CNTN5: variants seen among roughly 807,000 people sequenced by gnomAD.
CNTN5 encodes the protein contactin 5.
In CNTN5, 77 loss-of-function variants were observed where a neutral mutation model predicts 129.1. The ratio of observed to expected loss-of-function variants is 0.60; its 90% CI spans 0.50 to 0.72. The LOEUF is 0.72. CNTN5 is among the 30% of genes least tolerant of loss of function. CNTN5 has a pLI of 0.00. For missense variants in CNTN5, 1,478 were observed against 1,328.8 expected, an observed-to-expected ratio of 1.11 and a Z score of -1.75; for synonymous variants, 509 against 465.6, an observed-to-expected ratio of 1.09 and a Z score of -1.20.
At chr11:99,774,344 G>T (rs1387303475) in intron 3 of CNTN5, among the ~76,000 whole-genome samples, 5 of 150,282 alleles carry the variant, frequency 3.3e-5, no homozygotes, top group African/African-American at 1.2e-4. Flanking sequence ...TTTTTTTTTG[G>T]GGGGGTGGGT....
At chr11:100,063,464 A>G (rs968905476) in intron 10 of CNTN5, among the ~76,000 whole-genome samples, 1 of 152,018 alleles carries the variant, frequency 6.6e-6, no homozygotes, top group Non-Finnish European at 1.5e-5. Context: ...CAGGTGTGGA[A>G]TATATCTTGA....
chr11:99,910,464 C>G (rs1333523393), intron 6 of CNTN5, among the ~76,000 whole-genome samples: 1 of 151,984 alleles, frequency 6.6e-6, no homozygotes, highest in Non-Finnish European at 1.5e-5. Context: ...ACTGCTTTTT[C>G]TATTCTTCCT....
intron 2 of CNTN5, among the ~76,000 whole-genome samples, chr11:99,350,912 A>T (rs1376395789): frequency 6.6e-6 from 1 of 152,054 alleles, no homozygotes; most frequent in African/African-American, 2.4e-5. Context: ...TTTTACTTTG[A>T]AATATGCAAT....
Position 99,943,696 on chromosome 11 carries a change from G to GAGTT in CNTN5, c.674-13108_674-13105dup, listed in dbSNP as rs554185491. Among the ~76,000 whole-genome samples, 465 of 152,158 alleles carry GAGTT rather than the reference G, an allele frequency of 3.1e-3. 4 individuals carry two copies. Among genetic ancestry groups the GAGTT allele is most frequent in the Non-Finnish European group, 2.7e-3 (185 of 67,996 alleles). ...TATGTTTAAGTCTTTAATCCATCTT[G>GAGTT]AGTTAATTTATGTACAAGGTGTAAG... On this transcript the variant is annotated intron_variant, in intron 7 of 24. Transcript: ENST00000524871.
intron 15 of CNTN5, among the ~76,000 whole-genome samples, chr11:100,211,034 G>C (rs1177361054): frequency 6.6e-6 from 1 of 152,152 alleles, no homozygotes; most frequent in Non-Finnish European, 1.5e-5. Flanking sequence ...AGCCATCCTA[G>C]TTGCATAAAG....
chr11:99,596,532 T>TA (rs776825206), intron 3 of CNTN5, among the ~76,000 whole-genome samples: 9 of 152,176 alleles, frequency 5.9e-5, no homozygotes, highest in Middle Eastern at 3.2e-3. Context: ...AAAAAGCTCA[T>TA]AAGCTTCATA....
At chr11:99,881,731 G>T (rs911320682) in intron 6 of CNTN5, among the ~76,000 whole-genome samples, 3 of 152,218 alleles carry the variant, frequency 2.0e-5, no homozygotes, top group Admixed American at 6.5e-5. Context: ...TGGTACAGAA[G>T]CTGCTAGTGC....
intron 3 of CNTN5, among the ~76,000 whole-genome samples, chr11:99,752,058 G>T (rs1944254786): frequency 9.3e-6 from 1 of 107,934 alleles, no homozygotes; most frequent in South Asian, 3.1e-4. Flanking sequence ...CTTCAGAACT[G>T]TAAGAAAAAA....
intron 16 of CNTN5, among the ~76,000 whole-genome samples, chr11:100,232,473 T>A (rs1949510926): frequency 6.6e-6 from 1 of 152,172 alleles, no homozygotes; most frequent in African/African-American, 2.4e-5. Context: ...AGAGGAATGA[T>A]GGGTGTAATA....
At chr11:99,285,167 A>T (rs1216240079) in intron 1 of CNTN5, among the ~76,000 whole-genome samples, 1 of 152,078 alleles carries the variant, frequency 6.6e-6, no homozygotes, top group Non-Finnish European at 1.5e-5. Context: ...TCTACTCTGG[A>T]CTCAGATGTG....
chr11:100,039,182 C>A (rs977738560), intron 9 of CNTN5, among the ~76,000 whole-genome samples: 2 of 152,086 alleles, frequency 1.3e-5, no homozygotes, highest in African/African-American at 2.4e-5. Flanking sequence ...AAAATCTCTC[C>A]ACATTTGCTT....
intron 4 of CNTN5, among the ~76,000 whole-genome samples, chr11:99,832,308 CTG>C (rs1947167772): frequency 6.6e-6 from 1 of 152,154 alleles, no homozygotes; most frequent in South Asian, 2.1e-4. Flanking sequence ...GAGGCAAAAA[CTG>C]TAATTACATT....
rs1950398131 is a variant in CNTN5 at position 100,271,008 on chromosome 11, G to A, written c.2165-84G>A. ...AAATATGCATTAGCCTTCTGATTCT[G>A]TCAGTAGCATTAATATTCTTGATTG... On this transcript the variant is annotated intron_variant, in intron 17 of 24. Coordinates refer to ENST00000524871, the MANE Select transcript of CNTN5 (RefSeq NM_014361.4). 4 of 1,112,272 alleles carry A rather than the reference G, an allele frequency of 3.6e-6. No homozygotes were observed. In the South Asian group the frequency reaches 6.4e-5, roughly 18 times the overall value. 68.9% of individuals were successfully genotyped at this position (1,112,272 alleles called of 1,614,324 possible).
chr11:99,462,541 G>C (rs1944754221), intron 2 of CNTN5, among the ~76,000 whole-genome samples: 1 of 151,878 alleles, frequency 6.6e-6, no homozygotes, highest in Admixed American at 6.6e-5. Flanking sequence ...AACCAGTATG[G>C]TGATTAATAA....
At chr11:99,154,096 G>A (rs1357267909) in intron 1 of CNTN5, among the ~76,000 whole-genome samples, 3 of 152,146 alleles carry the variant, frequency 2.0e-5, no homozygotes, top group African/African-American at 4.8e-5. Context: ...CTTCACCAGG[G>A]TGCTGGCAGG....
chr11:100,230,350 C>G (rs1434385845), intron 16 of CNTN5, among the ~76,000 whole-genome samples: 1 of 152,148 alleles, frequency 6.6e-6, no homozygotes, highest in Non-Finnish European at 1.5e-5. Flanking sequence ...TAGACTTTCT[C>G]TAATTAGTGT....
intron 9 of CNTN5, among the ~76,000 whole-genome samples, chr11:100,027,288 T>C (rs917645873): frequency 6.6e-6 from 1 of 152,208 alleles, no homozygotes; most frequent in African/African-American, 2.4e-5. Context: ...GTATTCTTGA[T>C]CTTTGTTCTG....
chr11:99,098,350 A>G (rs1866570951), intron 1 of CNTN5, among the ~76,000 whole-genome samples: 2 of 152,122 alleles, frequency 1.3e-5, no homozygotes, highest in African/African-American at 4.8e-5. Flanking sequence ...AAAGTAGGCC[A>G]TGCAAGACAG....
At chr11:100,139,884 G>A (rs976346806) in intron 13 of CNTN5, among the ~76,000 whole-genome samples, 6 of 151,902 alleles carry the variant, frequency 3.9e-5, no homozygotes, top group Admixed American at 6.6e-5. Context: ...AAAATAATAG[G>A]TTAATATTTA....
Sources: allele counts gnomAD v4.1 joint callset (sites outside exome capture counted in the v4.1 genomes callset), GRCh38; gene constraint gnomAD v4.1.1; transcripts MANE v1.5; gene names NCBI Gene and HGNC (gene_info 2026-07-23, HGNC 2026-07-21).